Variants in PDZD2 observed in about 807,000 individuals in gnomAD.
PDZD2 encodes PDZ domain-containing protein 2.
In PDZD2, 90 loss-of-function variants were observed where a neutral mutation model predicts 220.7. The observed-to-expected ratio is 0.41, with a 90% CI of 0.34 to 0.49. The LOEUF (loss-of-function observed/expected upper bound fraction) is 0.49. PDZD2 is among the 20% of genes least tolerant of loss of function. The probability of loss-of-function intolerance (pLI) is 0.28; values close to 1 mark genes in which losing one functional copy is unlikely to be tolerated. For missense variants in PDZD2, 3,174 were observed against 3,608.5 expected (o/e 0.88, Z 3.08); for synonymous variants, 1,375 against 1,450.5 (o/e 0.95, Z 1.18).
chr5:31,805,004 G>A (rs1754627430), intron 2 of PDZD2, among the ~76,000 whole-genome samples: 1 of 152,108 alleles, frequency 6.6e-6, no homozygotes, highest in Non-Finnish European at 1.5e-5. Context: ...GACCAGCCTG[G>A]CCAACATGGC....
At chr5:31,867,359 T>C (rs954450125) in intron 2 of PDZD2, among the ~76,000 whole-genome samples, 2 of 152,118 alleles carry the variant, frequency 1.3e-5, no homozygotes, top group Non-Finnish European at 2.9e-5. Context: ...CAGAGCAGCA[T>C]TTTATGTGGG....
chr5:31,719,845 G>A (rs906957050), intron 1 of PDZD2, among the ~76,000 whole-genome samples: 5 of 152,112 alleles, frequency 3.3e-5, no homozygotes, highest in African/African-American at 7.2e-5. Context: ...AATGAAACTC[G>A]ATCTCTGCCT....
intron 2 of PDZD2, among the ~76,000 whole-genome samples, chr5:31,977,588 A>G (rs1026690566): frequency 6.6e-6 from 1 of 152,202 alleles, no homozygotes; most frequent in Non-Finnish European, 1.5e-5. Context: ...CAAGGAACAG[A>G]GGAGTTGCTC....
At chr5:31,747,968 T>C (rs139213606) in intron 1 of PDZD2, 79 of 152,374 alleles carry the variant, frequency 5.2e-4, no homozygotes, top group African/African-American at 1.8e-3. Context: ...ACTCTGGATC[T>C]ACTTGTGTTC....
chr5:31,997,345 A>G (rs1751714565), intron 4 of PDZD2, among the ~76,000 whole-genome samples: 1 of 152,228 alleles, frequency 6.6e-6, no homozygotes, highest in Non-Finnish European at 1.5e-5. Flanking sequence ...GAAGAGGACC[A>G]GGGCACAAAC....
chr5:31,782,771 T>G (rs10070549), intron 1 of PDZD2, among the ~76,000 whole-genome samples: 2 of 139,690 alleles, frequency 1.4e-5, no homozygotes, highest in African/African-American at 5.4e-5. Context: ...TGGAGTGAAG[T>G]GGCACGATCT....
chr5:31,919,402 G>A (rs962104290), intron 2 of PDZD2, among the ~76,000 whole-genome samples: 5 of 151,640 alleles, frequency 3.3e-5, no homozygotes, highest in Admixed American at 6.6e-5. Context: ...GCTAGAGTGC[G>A]GCGGTACGAT....
At chr5:31,655,708 C>T (rs967692475) in intron 1 of PDZD2, among the ~76,000 whole-genome samples, 2 of 151,966 alleles carry the variant, frequency 1.3e-5, no homozygotes, top group African/African-American at 4.8e-5. Context: ...CACTGATGCC[C>T]CAGGGAGGGT....
chr5:31,927,364 C>A (rs2150387207), intron 2 of PDZD2, among the ~76,000 whole-genome samples: 1 of 129,294 alleles, frequency 7.7e-6, no homozygotes, highest in South Asian at 2.6e-4. Flanking sequence ...CCTTCTGCTA[C>A]TTTCTTTTTT....
chr5:31,866,043 C>G (rs1350787244), intron 2 of PDZD2, among the ~76,000 whole-genome samples: 1 of 151,338 alleles, frequency 6.6e-6, no homozygotes, highest in Non-Finnish European at 1.5e-5. Flanking sequence ...TCACTGTTGC[C>G]CAGGCTGGAG....
At chr5:31,902,385 C>T (rs932619964) in intron 2 of PDZD2, among the ~76,000 whole-genome samples, 2 of 151,766 alleles carry the variant, frequency 1.3e-5, no homozygotes, top group African/African-American at 4.8e-5. Flanking sequence ...TTTTGTATAT[C>T]TTCTTTGGAG....
chr5:31,701,608 A>C (rs895425250), intron 1 of PDZD2, among the ~76,000 whole-genome samples: 7 of 151,780 alleles, frequency 4.6e-5, no homozygotes, highest in African/African-American at 1.7e-4. Context: ...TATTTAGAAA[A>C]CCCACTGCCT....
At chr5:31,689,198 A>G (rs1746994900) in intron 1 of PDZD2, among the ~76,000 whole-genome samples, 1 of 151,358 alleles carries the variant, frequency 6.6e-6, no homozygotes, top group South Asian at 2.1e-4. Flanking sequence ...CCTCCTGAGT[A>G]GCTGGGATTA....
Position 31,688,857 on chromosome 5 carries a change from G to A in PDZD2, c.-361+49420G>A, listed in dbSNP as rs578175341. 1.3e-4 allele frequency among the ~76,000 whole-genome samples: 20 copies of A among 152,234 alleles called. 1 individual carries two copies. In the South Asian group the frequency reaches 3.9e-3, roughly 30 times the overall value. ...CAGCCAGGTCACAACAGGCCAAAAC[G>A]ACTCTTTTGGTTTTTGTTTCCTTTC... On this transcript the variant is annotated intron_variant, in intron 1 of 24. Transcript: ENST00000438447.
Position 32,091,126 on chromosome 5 carries a change from A to T in PDZD2, c.7678A>T (p.Thr2560Ser), listed in dbSNP as rs1221636544. The T allele has an allele frequency of 1.3e-6, 2 of 1,596,228 alleles. No homozygotes were observed. Among genetic ancestry groups the T allele is most frequent in the Non-Finnish European group, 1.7e-6 (2 of 1,165,434 alleles). ...TGAGACACCCAGTTCAGCCAGTGAT[A>T]CGGGTGAAGCTGCCCAGGATCTGCC... ...AAETPSSASDTGEAAQDLPFR... is the reference protein window; with the variant it reads ...AAETPSSASDSGEAAQDLPFR... Residue 2560 changes from threonine (T) to serine (S), a missense_variant, in exon 20 of 25, where the codon ACG becomes TCG. Thr to Ser is a moderately conservative substitution (Grantham distance 58). Around this residue, in one of 4 missense-constraint regions of PDZD2, gnomAD observed 631 missense variants for 789.9 expected, o/e 0.80. Coordinates refer to ENST00000438447, the MANE Select transcript of PDZD2 (RefSeq NM_178140.4).
rs983351624 is a variant in PDZD2, at chr5:31,787,306, A to G, written c.-360-11583A>G. ...ATTAGTATGCTCTTTTAGAATTGAGATATCTAAACTCTAGAAATATTATTA... is the reference window on the plus strand; with the variant it reads ...ATTAGTATGCTCTTTTAGAATTGAGGTATCTAAACTCTAGAAATATTATTA... On this transcript the variant is annotated intron_variant, in intron 1 of 24. Transcript: ENST00000438447. Among the ~76,000 whole-genome samples the G allele has an allele frequency of 5.3e-5, 8 of 152,248 alleles. No individual in the cohort carries two copies. In the East Asian group the frequency reaches 1.5e-3, roughly 29 times the overall value.
At chr5:32,012,874 TTTA>T (rs1753439958) in intron 6 of PDZD2, among the ~76,000 whole-genome samples, 1 of 151,828 alleles carries the variant, frequency 6.6e-6, no homozygotes, top group Non-Finnish European at 1.5e-5. Context: ...TTTAAATAAA[TTTA>T]TTATAATTCT....
intron 2 of PDZD2, among the ~76,000 whole-genome samples, chr5:31,896,810 A>T (rs1183144268): frequency 6.6e-6 from 1 of 152,250 alleles, no homozygotes; most frequent in Non-Finnish European, 1.5e-5. Context: ...TTTAAAAATT[A>T]GCCAGGCATG....
chr5:31,737,274 G>T (rs532811880), intron 1 of PDZD2, among the ~76,000 whole-genome samples: 1 of 140,292 alleles, frequency 7.1e-6, no homozygotes, highest in African/African-American at 2.7e-5. Context: ...TCAGGTTCAC[G>T]CCATTCTCCT....
Sources: allele counts gnomAD v4.1 joint callset (sites outside exome capture counted in the v4.1 genomes callset), GRCh38; gene constraint gnomAD v4.1.1; regional missense constraint gnomAD v4.1.1; transcripts MANE v1.5; gene names NCBI Gene and HGNC (gene_info 2026-07-23, HGNC 2026-07-21).